RNF169: variants seen among roughly 807,000 people sequenced by gnomAD.
RNF169 encodes the protein ring finger protein 169, also known as E3 ubiquitin-protein ligase RNF169.
RNF169 carries 24 observed loss-of-function variants against 53.9 expected under a neutral mutation model. The observed-to-expected ratio is 0.45, with a 90% CI of 0.32 to 0.63. The LOEUF (loss-of-function observed/expected upper bound fraction) is 0.63. Ranked by LOEUF, RNF169 falls within the 20% of genes least tolerant of loss-of-function variation. The pLI is 0.04. For synonymous variants in RNF169, 396 were observed against 363.5 expected (o/e 1.09, Z -1.02); for missense variants, 883 against 906.2 (o/e 0.97, Z 0.33).
intron 1 of RNF169, among the ~76,000 whole-genome samples, chr11:74,769,034 AGAAAC>A (rs1793636674): frequency 6.6e-6 from 1 of 152,130 alleles, no homozygotes; most frequent in Admixed American, 6.5e-5. Context: ...CTGCCTCAAA[AGAAAC>A]AAAACAAAAC....
At chr11:74,829,444 A>G (rs1048774220) in intron 4 of RNF169, among the ~76,000 whole-genome samples, 4 of 152,322 alleles carry the variant, frequency 2.6e-5, no homozygotes, top group African/African-American at 9.6e-5. Flanking sequence ...TGATTCCTCA[A>G]AAACCTAGAA....
rs2035475536 is a variant in RNF169, at chr11:74,785,198, A to ATATATATATGATATATATATGT, written c.503-4419_503-4418insGATATATATATGTTATATATAT. Among the ~76,000 whole-genome samples the ATATATATATGATATATATATGT allele has an allele frequency of 4.7e-5, 3 of 63,868 alleles. No homozygotes were observed. In the South Asian group the frequency reaches 1.8e-3, roughly 39 times the overall value. 41.9% of individuals were successfully genotyped at this position (63,868 alleles called of 152,430 possible). ...GATATATATATATGATATATATATG[A>ATATATATATGATATATATATGT]TATATATATATGATATATATATGTT... is the stretch of plus-strand genomic sequence containing the variant. On this transcript the variant is annotated intron_variant, in intron 1 of 5. Coordinates refer to ENST00000299563, the MANE Select transcript of RNF169 (RefSeq NM_001098638.2).
chr11:74,768,780 C>A (rs372203028), intron 1 of RNF169, among the ~76,000 whole-genome samples: 2 of 152,086 alleles, frequency 1.3e-5, no homozygotes, highest in Non-Finnish European at 2.9e-5. Flanking sequence ...CGTGGTGGCT[C>A]ATGCCTATAA....
chr11:74,774,358 C>A (rs1161290125), intron 1 of RNF169, among the ~76,000 whole-genome samples: 12 of 145,714 alleles, frequency 8.2e-5, no homozygotes, highest in Admixed American at 1.4e-4. Flanking sequence ...AAAAAAAAAA[C>A]CCAAAAAAAC....
At chr11:74,781,978 C>G (rs540825717) in intron 1 of RNF169, among the ~76,000 whole-genome samples, 1 of 152,302 alleles carries the variant, frequency 6.6e-6, no homozygotes, top group South Asian at 2.1e-4. Context: ...TAACTGCCAA[C>G]CACTGTAATG....
chr11:74,752,228 TAAAAAAA>T (rs11325931), intron 1 of RNF169, among the ~76,000 whole-genome samples: 29 of 78,756 alleles, frequency 3.7e-4, no homozygotes, highest in East Asian at 9.6e-4. Context: ...GAGACTGTCT[TAAAAAAA>T]AAAAAAAAAA....
chr11:74,777,032 T>C (rs1018675123), intron 1 of RNF169, among the ~76,000 whole-genome samples: 2 of 152,140 alleles, frequency 1.3e-5, no homozygotes, highest in African/African-American at 4.8e-5. Context: ...GGAAGCAATG[T>C]TAAAGATAGA....
Position 74,836,352 on chromosome 11 carries a change from G to A in RNF169, c.1749G>A (p.Leu583=). Residue 583 remains leucine (L), a synonymous_variant, in exon 6 of 6, where the codon TTG becomes TTA. Transcript: ENST00000299563. Reference sequence around the variant, plus strand: ...CAGTGCTACCCCAAAACAGTGTTTTGGGTGGAGTCCTCAAAACAAAGCAAC... The same window carrying A: ...CAGTGCTACCCCAAAACAGTGTTTTAGGTGGAGTCCTCAAAACAAAGCAAC... ...VNSVLPQNSV[L]GGVLKTKQQL... is the part of the protein sequence containing the mutation. The A allele has an allele frequency of 6.2e-7, 1 of 1,614,146 alleles. No homozygotes were observed. The highest frequency in any genetic ancestry group is 2.2e-5 in the East Asian group (1 of 44,878).
intron 3 of RNF169, 51 bp downstream of exon 3, chr11:74,810,381 G>A (rs2035859226): frequency 6.3e-7 from 1 of 1,575,136 alleles, no homozygotes; most frequent in East Asian, 2.2e-5. Flanking sequence ...TCAGTGGTTA[G>A]CCCAGGTGAC....
chr11:74,798,377 C>A (rs181124269), intron 2 of RNF169, among the ~76,000 whole-genome samples: 1 of 152,120 alleles, frequency 6.6e-6, no homozygotes, highest in South Asian at 2.1e-4. Context: ...CTCTTATAGT[C>A]GAGACTGCAG....
chr11:74,753,247 C>T (rs1437464803), intron 1 of RNF169, among the ~76,000 whole-genome samples: 3 of 152,046 alleles, frequency 2.0e-5, no homozygotes, highest in Admixed American at 6.6e-5. Context: ...GGATTACAGG[C>T]GGTGAGCCAC....
At chr11:74,833,642 C>T (rs538435900) in intron 4 of RNF169, among the ~76,000 whole-genome samples, 1 of 152,208 alleles carries the variant, frequency 6.6e-6, no homozygotes, top group South Asian at 2.1e-4. Context: ...TCATTCTTCT[C>T]TGTATTCTCA....
chr11:74,776,680 A>G (rs894373677), intron 1 of RNF169, among the ~76,000 whole-genome samples: 1 of 152,214 alleles, frequency 6.6e-6, no homozygotes, highest in Non-Finnish European at 1.5e-5. Flanking sequence ...ATGAGGGCCT[A>G]CAGGAAGCTA....
chr11:74,749,151 T>G lies in RNF169; in HGVS notation c.271T>G (p.Cys91Gly). 7.8e-7 allele frequency: 1 copy of G among 1,275,194 alleles called. No individual in the cohort carries two copies. The highest frequency in any genetic ancestry group is 9.9e-7 in the Non-Finnish European group (1 of 1,012,406). 79.0% of individuals were successfully genotyped at this position (1,275,194 alleles called of 1,614,324 possible). ...GTGCGGCCACTCGCTTTGCCGAGGC[T>G]GCGCCCAACGCGCCGCCGACGCGGC... Reference protein sequence around the residue: ...LPCGHSLCRGCAQRAADAAGP... With the variant: ...LPCGHSLCRGGAQRAADAAGP... The change falls in exon 1 of 6, where the codon TGC (cysteine) becomes GGC (glycine). Residue 91 changes from cysteine (C) to glycine (G), a missense_variant. Coordinates refer to ENST00000299563, the MANE Select transcript of RNF169 (RefSeq NM_001098638.2).
chr11:74,773,264 A>G (rs1163354022), intron 1 of RNF169, among the ~76,000 whole-genome samples: 2 of 152,176 alleles, frequency 1.3e-5, no homozygotes, highest in Non-Finnish European at 2.9e-5. Flanking sequence ...GCGATAAATG[A>G]CTTTATTGTA....
At chr11:74,762,845 C>A (rs2035110282) in intron 1 of RNF169, among the ~76,000 whole-genome samples, 2 of 152,108 alleles carry the variant, frequency 1.3e-5, no homozygotes, top group South Asian at 4.1e-4. Context: ...AACTGTAAGC[C>A]CTTGAACCTA....
intron 1 of RNF169, among the ~76,000 whole-genome samples, chr11:74,768,059 G>T (rs750364750): frequency 4.6e-5 from 7 of 152,154 alleles, no homozygotes; most frequent in Non-Finnish European, 8.8e-5. Context: ...TGAAGAACAC[G>T]ATGGGTGGAT....
At chr11:74,806,149 AAAAC>A (rs1384642621) in intron 2 of RNF169, among the ~76,000 whole-genome samples, 11 of 152,346 alleles carry the variant, frequency 7.2e-5, no homozygotes, top group Middle Eastern at 3.4e-3. Flanking sequence ...CTAGAGGAAA[AAAAC>A]AAACATCTAA....
intron 1 of RNF169, among the ~76,000 whole-genome samples, chr11:74,783,375 G>A (rs2035445242): frequency 6.6e-6 from 1 of 152,108 alleles, no homozygotes; most frequent in African/African-American, 2.4e-5. Flanking sequence ...GGCCACAGGT[G>A]CATGTCATTC....
Sources: allele counts gnomAD v4.1 joint callset (sites outside exome capture counted in the v4.1 genomes callset), GRCh38; gene constraint gnomAD v4.1.1; transcripts MANE v1.5; gene names NCBI Gene and HGNC (gene_info 2026-07-23, HGNC 2026-07-21).